The following BTRC variants were observed in gnomAD, a reference collection of about 807,000 sequenced individuals.
The protein encoded by BTRC is F-box/WD repeat-containing protein 1A.
BTRC carries 42 observed loss-of-function variants against 85.5 expected under a neutral mutation model. The observed-to-expected ratio is 0.49, with a 90% CI of 0.38 to 0.64. The LOEUF (loss-of-function observed/expected upper bound fraction) is 0.64. BTRC is among the 30% of genes least tolerant of loss of function. BTRC has a pLI of 0.00. For synonymous variants in BTRC, 255 were observed against 263.3 expected, an observed-to-expected ratio of 0.97 and a Z score of 0.30; for missense variants, 594 against 743.5, an observed-to-expected ratio of 0.80 and a Z score of 2.34.
chr10:101,380,265 A>G (rs1942895303), intron 1 of BTRC, among the ~76,000 whole-genome samples: 1 of 152,224 alleles, frequency 6.6e-6, no homozygotes, highest in Admixed American at 6.5e-5. Context: ...AAGAGCTGTT[A>G]TGAGGAGTAA....
intron 1 of BTRC, among the ~76,000 whole-genome samples, chr10:101,389,790 A>G (rs768418514): frequency 5.3e-5 from 8 of 151,488 alleles, no homozygotes; most frequent in Non-Finnish European, 1.2e-4. Context: ...ATGCCTGGCT[A>G]ATTTTTAAAT....
intron 13 of BTRC, among the ~76,000 whole-genome samples, chr10:101,541,231 A>G (rs913575141): frequency 1.6e-4 from 24 of 151,274 alleles, no homozygotes; most frequent in African/African-American, 5.8e-4. Flanking sequence ...ACATATGTGT[A>G]TATATAGATG....
Position 101,549,713 on chromosome 10 carries a change from CAAAA to C in BTRC, c.1657-966_1657-963del, listed in dbSNP as rs755481178. ...GGGGCGAAAGAGCGAGACTCTGTCT[CAAAA>C]AAAAAAAAAAAAAAAAAAAGATGAT... On this transcript the variant is annotated intron_variant, in intron 13 of 14. Transcript: ENST00000370187. Among the ~76,000 whole-genome samples the C allele has an allele frequency of 1.8e-3, 76 of 42,764 alleles. 1 individual carries two copies. The highest frequency in any genetic ancestry group is 8.1e-3 in the African/African-American group (63 of 7,734). 28.1% of individuals were successfully genotyped at this position (42,764 alleles called of 152,430 possible).
In BTRC at chr10:101,554,989, T is replaced by C. The variant is rs985047387; in HGVS notation, c.*1866T>C. ...TTAGTTCAAGGTTATATTCAGAAAA[T>C]ATTTCCCAGTATAATGATACATCGT... is the stretch of plus-strand genomic sequence containing the variant. On this transcript the variant is annotated 3_prime_UTR_variant, in exon 15 of 15. Transcript: ENST00000370187. 2 of 152,250 alleles carry C rather than the reference T, an allele frequency of 1.3e-5. No individual in the cohort carries two copies. The highest frequency in any genetic ancestry group is 2.9e-5 in the Non-Finnish European group (2 of 68,042). The allele number at this position is 152,250 out of a possible 1,614,324, so 9.4% of individuals were successfully genotyped here. A position where few individuals can be genotyped will look rare whatever the true frequency, so the allele number is the denominator to read the frequency against.
intron 13 of BTRC, among the ~76,000 whole-genome samples, chr10:101,546,035 C>T (rs2062552972): frequency 1.3e-5 from 2 of 152,198 alleles, no homozygotes. Flanking sequence ...TTGGAGACTT[C>T]AGCACCCCCT....
rs1043961056 is a variant in BTRC, at chr10:101,474,747, G to T, written c.235-4621G>T. ...GTCACCCTGCACCAAGTGGACTCGT[G>T]AGTGCCTTCAGGGGAAAAGCACATA... On this transcript the variant is annotated intron_variant, in intron 3 of 14. Transcript: ENST00000370187. 4.6e-5 allele frequency among the ~76,000 whole-genome samples: 7 copies of T among 152,150 alleles called. No individual in the cohort carries two copies. The East Asian group carries it at 1.3e-3, about 29-fold the overall frequency.
At chr10:101,482,661 A>G (rs1296379673) in intron 4 of BTRC, among the ~76,000 whole-genome samples, 2 of 152,160 alleles carry the variant, frequency 1.3e-5, no homozygotes, top group African/African-American at 4.8e-5. Context: ...TCCCAAAGCA[A>G]TGGGATTACA....
At chr10:101,549,515 C>G (rs1024717114) in intron 13 of BTRC, among the ~76,000 whole-genome samples, 1 of 151,054 alleles carries the variant, frequency 6.6e-6, no homozygotes, top group African/African-American at 2.4e-5. Context: ...GAGATCAAGA[C>G]CATCCTGGCT....
intron 3 of BTRC, among the ~76,000 whole-genome samples, chr10:101,462,706 CA>C (rs1945261076): frequency 6.6e-6 from 1 of 150,660 alleles, no homozygotes; most frequent in African/African-American, 2.4e-5. Flanking sequence ...AATAGCTCAC[CA>C]CTGTGCCCCA....
chr10:101,508,978 A>G (rs1411228338), intron 4 of BTRC, among the ~76,000 whole-genome samples: 2 of 150,712 alleles, frequency 1.3e-5, no homozygotes, highest in African/African-American at 4.9e-5. Flanking sequence ...ACTTTTGAAC[A>G]TTAATTTCCT....
At chr10:101,408,799 G>A (rs1364741765) in intron 1 of BTRC, among the ~76,000 whole-genome samples, 1 of 152,118 alleles carries the variant, frequency 6.6e-6, no homozygotes. Context: ...TGTAATCCCA[G>A]CATTTGGGAG....
chr10:101,402,294 C>A (rs550442812), intron 1 of BTRC, among the ~76,000 whole-genome samples: 4 of 152,182 alleles, frequency 2.6e-5, no homozygotes, highest in African/African-American at 9.6e-5. Context: ...TACTTAGTAA[C>A]CCTGCTCTAC....
intron 10 of BTRC, 32 bp downstream of exon 10, chr10:101,534,942 T>C (rs771789077): frequency 1.9e-6 from 3 of 1,597,862 alleles, no homozygotes; most frequent in Non-Finnish European, 2.6e-6. Context: ...AGTTTCCAAC[T>C]TAGAATGGGG....
intron 5 of BTRC, 37 bp from the exon 6 acceptor site, chr10:101,525,976 T>G (rs1270088399): frequency 6.3e-7 from 1 of 1,597,954 alleles, no homozygotes; most frequent in Non-Finnish European, 8.6e-7. Flanking sequence ...CGCCACCTTC[T>G]GTGTTCTTTT....
intron 13 of BTRC, among the ~76,000 whole-genome samples, chr10:101,539,973 T>G (rs1219684206): frequency 6.6e-6 from 1 of 152,232 alleles, no homozygotes; most frequent in Non-Finnish European, 1.5e-5. Flanking sequence ...TTCCCATTTT[T>G]TAATTGAGTG....
At chr10:101,498,646 G>A (rs545833386) in intron 4 of BTRC, among the ~76,000 whole-genome samples, 6 of 152,198 alleles carry the variant, frequency 3.9e-5, no homozygotes, top group African/African-American at 1.4e-4. Context: ...AGTTTAGTGG[G>A]CACGTCCTAA....
intron 1 of BTRC, among the ~76,000 whole-genome samples, chr10:101,402,061 A>G (rs1943506462): frequency 6.6e-6 from 1 of 152,164 alleles, no homozygotes; most frequent in Non-Finnish European, 1.5e-5. Context: ...TATGAAAAAA[A>G]GTCTATATTA....
chr10:101,385,156 C>A (rs1943032190), intron 1 of BTRC, among the ~76,000 whole-genome samples: 1 of 151,736 alleles, frequency 6.6e-6, no homozygotes, highest in African/African-American at 2.4e-5. Flanking sequence ...TATGATTCCT[C>A]CGCTGCATTC....
chr10:101,538,513 G>A (rs1386829973), intron 13 of BTRC, 142 bp downstream of exon 13: 1 of 678,566 alleles, frequency 1.5e-6, no homozygotes, highest in Non-Finnish European at 2.6e-6. Flanking sequence ...ACCAGTACAT[G>A]ACAATAAAAT....
Sources: gnomAD v4.1 joint callset for allele counts (sites outside exome capture counted in the v4.1 genomes callset) on GRCh38, gnomAD v4.1.1 for gene constraint, MANE v1.5 for transcripts, NCBI Gene and HGNC (gene_info 2026-07-23, HGNC 2026-07-21) for gene names.